Variants in PTPRD observed in about 807,000 individuals in gnomAD.
PTPRD encodes the protein protein tyrosine phosphatase receptor type D, also known as receptor-type tyrosine-protein phosphatase delta.
Under a neutral mutation model 214.5 loss-of-function variants are expected in PTPRD, and 34 were observed. That is an observed-to-expected ratio of 0.16 (90% CI 0.12 to 0.21). The LOEUF is 0.21. Ranked by LOEUF, PTPRD falls within the 10% of genes least tolerant of loss-of-function variation. PTPRD has a pLI of 1.00. For missense variants in PTPRD, 2,545 were observed against 2,398.7 expected, an observed-to-expected ratio of 1.06 and a Z score of -1.27; for synonymous variants, 1,128 against 845.7, an observed-to-expected ratio of 1.33 and a Z score of -5.79.
At chr9:9,376,147 T>A (rs1356753341) in intron 9 of PTPRD, among the ~76,000 whole-genome samples, 1 of 152,162 alleles carries the variant, frequency 6.6e-6, no homozygotes, top group Admixed American at 6.6e-5. Flanking sequence ...ATTTCAGTGT[T>A]AAAAACCATT....
intron 8 of PTPRD, among the ~76,000 whole-genome samples, chr9:9,451,729 G>C (rs1409385970): frequency 6.6e-6 from 1 of 151,490 alleles, no homozygotes; most frequent in Non-Finnish European, 1.5e-5. Flanking sequence ...GAGTTAGAAA[G>C]CATTAAATTA....
At chr9:9,398,717 G>C (rs1393119065) in intron 8 of PTPRD, among the ~76,000 whole-genome samples, 1 of 151,558 alleles carries the variant, frequency 6.6e-6, no homozygotes, top group Non-Finnish European at 1.5e-5. Flanking sequence ...ATATTTTTTA[G>C]ATTTAAAAAA....
intron 8 of PTPRD, among the ~76,000 whole-genome samples, chr9:9,544,649 G>A (rs2154276571): frequency 6.6e-6 from 1 of 151,524 alleles, no homozygotes; most frequent in Non-Finnish European, 1.5e-5. Context: ...TGCACTTTTT[G>A]CTTTCATACA....
intron 11 of PTPRD, among the ~76,000 whole-genome samples, chr9:8,799,358 A>T (rs1349217408): frequency 6.6e-6 from 1 of 152,236 alleles, no homozygotes. Flanking sequence ...CTTAGAATTC[A>T]TTAAAGAGAA....
intron 14 of PTPRD, among the ~76,000 whole-genome samples, chr9:8,590,765 A>G (rs1430509430): frequency 1.3e-5 from 2 of 152,190 alleles, no homozygotes; most frequent in African/African-American, 4.8e-5. Context: ...CCAGCTACAA[A>G]CCAAACAGAA....
intron 39 of PTPRD, among the ~76,000 whole-genome samples, chr9:8,343,207 C>G (rs184569659): frequency 2.0e-5 from 3 of 152,130 alleles, no homozygotes; most frequent in East Asian, 1.9e-4. Context: ...TATATCAAAG[C>G]TAGCTTGCAT....
Position 9,677,441 on chromosome 9 carries a change from C to A in PTPRD, c.-287+57092G>T, listed in dbSNP as rs116954499. 1.1e-3 allele frequency among the ~76,000 whole-genome samples: 172 copies of A among 152,206 alleles called. 2 individuals are homozygous for A. In the East Asian group the frequency reaches 0.032, roughly 29 times the overall value. ...ATACAAATCAATAAACGTTTTCCAG[C>A]ATATAAACAGAACCAATGACAAAAG... On this transcript the variant is annotated intron_variant, in intron 7 of 45. Coordinates refer to ENST00000381196, the MANE Select transcript of PTPRD (RefSeq NM_002839.4).
At chr9:10,364,624 A>G (rs550506805) in intron 2 of PTPRD, among the ~76,000 whole-genome samples, 3 of 152,334 alleles carry the variant, frequency 2.0e-5, no homozygotes, top group Non-Finnish European at 4.4e-5. Context: ...CTCAAGAATC[A>G]GACTTCCTCC....
chr9:10,385,183 T>C lies in PTPRD; in HGVS notation c.-599-44166A>G, dbSNP rs10959086. Among the ~76,000 whole-genome samples, 1,332 of 151,906 alleles carry C rather than the reference T, an allele frequency of 8.8e-3. 11 individuals are homozygous for C. The highest frequency in any genetic ancestry group is 0.014 in the Non-Finnish European group (975 of 67,840). On this transcript the variant is annotated intron_variant, in intron 2 of 45. Transcript: ENST00000381196. Reference sequence around the variant, plus strand: ...AAAAGTTTATTACTCCAGCCAAAAGTAAGTTTATTCCCTTTTTAATTTTTA... The same window carrying C: ...AAAAGTTTATTACTCCAGCCAAAAGCAAGTTTATTCCCTTTTTAATTTTTA...
At chr9:9,019,289 A>AAAGAAAGAAAGAAAGAAAGG (rs2099550647) in intron 10 of PTPRD, among the ~76,000 whole-genome samples, 1 of 37,762 alleles carries the variant, frequency 2.6e-5, no homozygotes, top group African/African-American at 8.6e-5. Context: ...AAGAAGAAAG[A>AAAGAAAGAAAGAAAGAAAGG]AAGAAAGAAA....
intron 11 of PTPRD, among the ~76,000 whole-genome samples, chr9:8,931,031 T>C (rs1226061627): frequency 6.6e-6 from 1 of 152,214 alleles, no homozygotes; most frequent in East Asian, 1.9e-4. Context: ...CATGAAGTCC[T>C]TGCCCATGCC....
intron 7 of PTPRD, among the ~76,000 whole-genome samples, chr9:9,699,370 A>G (rs1032937233): frequency 6.6e-6 from 1 of 152,108 alleles, no homozygotes; most frequent in African/African-American, 2.4e-5. Context: ...TATTTTTAAA[A>G]CTTGTGGATT....
intron 4 of PTPRD, among the ~76,000 whole-genome samples, chr9:9,981,434 A>T (rs1275289916): frequency 1.3e-5 from 2 of 150,804 alleles, no homozygotes; most frequent in African/African-American, 4.9e-5. Flanking sequence ...GGCTCAGTGC[A>T]AGCTCCACCT....
chr9:10,156,372 C>G (rs892273470), intron 3 of PTPRD, among the ~76,000 whole-genome samples: 2 of 152,048 alleles, frequency 1.3e-5, no homozygotes, highest in Non-Finnish European at 1.5e-5. Flanking sequence ...TTCTTGATTT[C>G]TCCCTTAATT....
chr9:8,623,998 A>T (rs1037065878), intron 14 of PTPRD, among the ~76,000 whole-genome samples: 2 of 151,926 alleles, frequency 1.3e-5, no homozygotes, highest in Non-Finnish European at 2.9e-5. Context: ...AATATATCTA[A>T]TGTTACATTT....
intron 2 of PTPRD, among the ~76,000 whole-genome samples, chr9:10,487,107 C>T (rs1384994265): frequency 2.6e-5 from 4 of 152,196 alleles, no homozygotes; most frequent in South Asian, 2.1e-4. Context: ...TTTGGTATCA[C>T]GAGTATAGCT....
At position 8,719,052 on chromosome 9, in the gene PTPRD, T is replaced by C. The variant is rs528676507; in HGVS notation, c.64+14728A>G. 1.4e-3 allele frequency among the ~76,000 whole-genome samples: 217 copies of C among 152,290 alleles called. 1 individual carries two copies. The highest frequency in any genetic ancestry group is 5.1e-3 in the African/African-American group (212 of 41,564). Reference sequence around the variant, plus strand: ...AACCAATCTCAGGCTTCGAGACCCATGATTACAAACTGTTTCTTCACAGAC... The same window carrying C: ...AACCAATCTCAGGCTTCGAGACCCACGATTACAAACTGTTTCTTCACAGAC... On this transcript the variant is annotated intron_variant, in intron 12 of 45. Transcript: ENST00000381196.
rs1052683008 is a variant in PTPRD, at chr9:8,716,299, A to C, written c.64+17481T>G. The stretch of plus-strand genomic sequence containing the variant: ...TTTAAATGAATAATTCATCATCCCA[A>C]ATTCACATTCACTAGAAGTATCTAT... On this transcript the variant is annotated intron_variant, in intron 12 of 45. Coordinates refer to ENST00000381196, the MANE Select transcript of PTPRD (RefSeq NM_002839.4). Among the ~76,000 whole-genome samples, 3 of 152,302 alleles carry C rather than the reference A, an allele frequency of 2.0e-5. No individual in the cohort carries two copies. The South Asian group carries it at 6.2e-4, about 32-fold the overall frequency.
At chr9:8,507,240 A>G (rs2097561166) in intron 22 of PTPRD, 61 bp downstream of exon 22, 1 of 1,566,046 alleles carries the variant, frequency 6.4e-7, no homozygotes, top group African/African-American at 1.4e-5. Flanking sequence ...AAATACACAA[A>G]AATAAAAAAG....
Sources: allele counts gnomAD v4.1 joint callset (sites outside exome capture counted in the v4.1 genomes callset), GRCh38; gene constraint gnomAD v4.1.1; transcripts MANE v1.5; gene names NCBI Gene and HGNC (gene_info 2026-07-23, HGNC 2026-07-21).